The following PLEKHA5 variants were observed in gnomAD, a reference collection of about 807,000 sequenced individuals.
PLEKHA5 encodes the protein pleckstrin homology domain containing A5, also known as pleckstrin homology domain-containing family A member 5.
In PLEKHA5, 55 loss-of-function variants were observed where a neutral mutation model predicts 181.9. The observed-to-expected ratio is 0.30, with a 90% CI of 0.24 to 0.38. The LOEUF (loss-of-function observed/expected upper bound fraction) is 0.38, where lower values mean the gene tolerates loss of function less well. Ranked by LOEUF, PLEKHA5 falls within the 10% of genes least tolerant of loss-of-function variation. The probability of loss-of-function intolerance (pLI) is 1.00; values close to 1 mark genes in which losing one functional copy is unlikely to be tolerated. For missense variants in PLEKHA5, 1,432 were observed against 1,549.5 expected, an observed-to-expected ratio of 0.92 and a Z score of 1.27; for synonymous variants, 535 against 529.4, an observed-to-expected ratio of 1.01 and a Z score of -0.15.
intron 3 of PLEKHA5, among the ~76,000 whole-genome samples, chr12:19,237,867 CT>C (rs1349826843): frequency 6.6e-6 from 1 of 151,734 alleles, no homozygotes. Context: ...GTTGGGTAAG[CT>C]TTTTCTTTTG....
intron 25 of PLEKHA5, among the ~76,000 whole-genome samples, chr12:19,351,567 G>A (rs1025985371): frequency 1.3e-5 from 2 of 152,000 alleles, no homozygotes; most frequent in Non-Finnish European, 2.9e-5. Flanking sequence ...TAGGGTTTAA[G>A]ATAAAAGAAA....
chr12:19,308,287 A>G (rs184631730), intron 15 of PLEKHA5, among the ~76,000 whole-genome samples: 68 of 152,248 alleles, frequency 4.5e-4, no homozygotes, highest in Admixed American at 3.9e-3. Context: ...CATCAGTGTC[A>G]TTGCTTTGTG....
At chr12:19,313,099 A>G (rs572772757) in intron 15 of PLEKHA5, among the ~76,000 whole-genome samples, 1 of 152,254 alleles carries the variant, frequency 6.6e-6, no homozygotes, top group Non-Finnish European at 1.5e-5. Context: ...ATCATCTCTT[A>G]TGAGCGAGGT....
At chr12:19,183,191 A>G (rs559095505) in intron 3 of PLEKHA5, among the ~76,000 whole-genome samples, 6 of 152,306 alleles carry the variant, frequency 3.9e-5, no homozygotes, top group African/African-American at 1.4e-4. Context: ...TGAAAAGGAA[A>G]TATTATTGTA....
chr12:19,230,609 C>A (rs1308146958), intron 3 of PLEKHA5, among the ~76,000 whole-genome samples: 3 of 152,196 alleles, frequency 2.0e-5, no homozygotes, highest in African/African-American at 7.2e-5. Flanking sequence ...GGGTGCTAAG[C>A]CCCTCACTGC....
intron 20 of PLEKHA5, among the ~76,000 whole-genome samples, chr12:19,324,461 T>G (rs895241389): frequency 2.6e-5 from 4 of 152,228 alleles, no homozygotes; most frequent in African/African-American, 9.6e-5. Flanking sequence ...GATGAATGAT[T>G]GAGCTGAATG....
rs373149184 is a variant in PLEKHA5, at chr12:19,145,598, T to C, written c.227+13148T>C. Among the ~76,000 whole-genome samples, 36 of 152,296 alleles carry C rather than the reference T, an allele frequency of 2.4e-4. 1 individual carries two copies. The East Asian group carries it at 5.6e-3, about 24-fold the overall frequency. On this transcript the variant is annotated intron_variant, in intron 3 of 31. Coordinates refer to ENST00000429027, the MANE Select transcript of PLEKHA5 (RefSeq NM_001256470.2). ...TCATAGTACTGGTTAAAGGTCAATA[T>C]CGTTCTTTCAATAACTGTAAAACAT...
At chr12:19,236,907 A>G (rs2061491394) in intron 3 of PLEKHA5, 1 of 152,096 alleles carries the variant, frequency 6.6e-6, no homozygotes. Flanking sequence ...GTATTTCCTC[A>G]GTGCTTCATC....
chr12:19,340,963 G>A (rs66572753), intron 21 of PLEKHA5, among the ~76,000 whole-genome samples: 11,428 of 40,290 alleles, frequency 0.28, 656 homozygotes, highest in Non-Finnish European at 0.45. Context: ...AAAAAAAAAA[G>A]AAAGAAAAGA....
At chr12:19,142,321 A>G (rs1416974304) in intron 3 of PLEKHA5, among the ~76,000 whole-genome samples, 1 of 152,166 alleles carries the variant, frequency 6.6e-6, no homozygotes, top group Non-Finnish European at 1.5e-5. Context: ...GTGAGCTATG[A>G]TCATGCCACT....
chr12:19,254,572 G>A (rs1253347784), intron 4 of PLEKHA5, among the ~76,000 whole-genome samples: 1 of 152,118 alleles, frequency 6.6e-6, no homozygotes, highest in Non-Finnish European at 1.5e-5. Flanking sequence ...TGTAATCCTA[G>A]CACTTTGGGA....
chr12:19,141,174 C>T (rs2037164376), intron 3 of PLEKHA5, among the ~76,000 whole-genome samples: 1 of 152,176 alleles, frequency 6.6e-6, no homozygotes, highest in African/African-American at 2.4e-5. Context: ...CACCCCTCCC[C>T]CCCAACAGAA....
intron 3 of PLEKHA5, among the ~76,000 whole-genome samples, chr12:19,146,483 C>A (rs35228541): frequency 0.09 from 13,681 of 152,144 alleles, 759 homozygotes; most frequent in Admixed American, 0.18. Flanking sequence ...TGCACCCCTA[C>A]AAATAAAAAG....
At chr12:19,297,195 C>T (rs921005257) in intron 15 of PLEKHA5, among the ~76,000 whole-genome samples, 1 of 152,104 alleles carries the variant, frequency 6.6e-6, no homozygotes, top group African/African-American at 2.4e-5. Flanking sequence ...CCAACCCCCC[C>T]AGAATTATGA....
chr12:19,376,190 G>A lies in PLEKHA5; in HGVS notation c.*671G>A, dbSNP rs910021675. 6.6e-6 allele frequency: 1 copy of A among 151,644 alleles called. No homozygotes were observed. The highest frequency in any genetic ancestry group is 2.4e-5 in the African/African-American group (1 of 41,168). The allele number at this position is 151,644 out of a possible 1,614,324, so 9.4% of individuals were successfully genotyped here. A position where few individuals can be genotyped will look rare whatever the true frequency, so the allele number is the denominator to read the frequency against. The stretch of plus-strand genomic sequence containing the variant: ...AAGTGTAGGTATTTTGAAGTACTGG[G>A]CTTATATTTCATTGGAATACATGTG... On this transcript the variant is annotated 3_prime_UTR_variant, in exon 32 of 32. Transcript: ENST00000429027.
At chr12:19,230,347 A>G (rs1365101554) in intron 3 of PLEKHA5, among the ~76,000 whole-genome samples, 1 of 152,200 alleles carries the variant, frequency 6.6e-6, no homozygotes, top group Non-Finnish European at 1.5e-5. Context: ...CACCAGTCCC[A>G]TGCCGTGCGC....
intron 3 of PLEKHA5, among the ~76,000 whole-genome samples, chr12:19,239,872 G>A (rs528805297): frequency 1.3e-5 from 2 of 152,066 alleles, no homozygotes; most frequent in African/African-American, 2.4e-5. Context: ...TTTCCCCTTT[G>A]TATTTTGTTT....
At chr12:19,181,165 C>CTA (rs1295573963) in intron 3 of PLEKHA5, among the ~76,000 whole-genome samples, 1 of 152,080 alleles carries the variant, frequency 6.6e-6, no homozygotes, top group Non-Finnish European at 1.5e-5. Flanking sequence ...AAATGGAAGA[C>CTA]TATAGCACAT....
At chr12:19,231,613 A>ATTTATATATGTACACATAT (rs1345945535) in intron 3 of PLEKHA5, among the ~76,000 whole-genome samples, 73 of 32,404 alleles carry the variant, frequency 2.3e-3, no homozygotes, top group Non-Finnish European at 3.4e-3. Flanking sequence ...TATATATATA[A>ATTTATATATGTACACATAT]ATACTCATAA....
Sources: allele counts gnomAD v4.1 joint callset (sites outside exome capture counted in the v4.1 genomes callset), GRCh38; gene constraint gnomAD v4.1.1; transcripts MANE v1.5; gene names NCBI Gene and HGNC (gene_info 2026-07-23, HGNC 2026-07-21).